Variants in TULP4 observed in about 807,000 individuals in gnomAD.
TULP4 encodes TUB like protein 4, also known as tubby-related protein 4.
In TULP4, 16 loss-of-function variants were observed where a neutral mutation model predicts 129.0. That is an observed-to-expected ratio of 0.12 (90% CI 0.08 to 0.19). TULP4 has a LOEUF of 0.19. Ranked by LOEUF, TULP4 falls within the 10% of genes least tolerant of loss-of-function variation. The pLI is 1.00. For missense variants in TULP4, 1,842 were observed against 2,059.1 expected (o/e 0.89, Z 2.04); for synonymous variants, 998 against 854.0 (o/e 1.17, Z -2.94).
Position 158,508,164 on chromosome 6 carries a change from T to C in TULP4, c.*1470T>C, listed in dbSNP as rs903953061. On this transcript the variant is annotated 3_prime_UTR_variant, in exon 14 of 14. Coordinates refer to ENST00000367097, the MANE Select transcript of TULP4 (RefSeq NM_020245.5). ...TTTTTGTTGTTGTTTTTTGTTGTTG[T>C]TTTTTGTTTTTGTTTTTGTTTTTCT... is the stretch of plus-strand genomic sequence containing the variant. 2 of 152,098 alleles carry C rather than the reference T, an allele frequency of 1.3e-5. No individual in the cohort carries two copies. Among genetic ancestry groups the C allele is most frequent in the African/African-American group, 2.4e-5 (1 of 41,350 alleles). 9.4% of individuals were successfully genotyped at this position (152,098 alleles called of 1,614,324 possible).
In TULP4 at chr6:158,502,199, AC is replaced by A; in HGVS notation, c.2538del (p.Thr847GlnfsTer19). ...CCCAGGAACCATCCCCGCTGCCCCC[AC>A]CACAGCAGCACCCCCGCCCCCTCTG... ...PYPGTIPAAP[T>X]TAAPPPPLPP... On this transcript the variant is annotated frameshift_variant, in exon 13 of 14. Coordinates refer to ENST00000367097, the MANE Select transcript of TULP4 (RefSeq NM_020245.5). LOFTEE classifies it high-confidence loss of function. 1 of 434,076 alleles carries A rather than the reference AC, an allele frequency of 2.3e-6. No individual in the cohort carries two copies. The highest frequency in any genetic ancestry group is 3.0e-6 in the Non-Finnish European group (1 of 336,832). The allele number at this position is 434,076 out of a possible 1,614,324, so 26.9% of individuals were successfully genotyped here.
Position 158,501,847 on chromosome 6 carries a change from G to A in TULP4, c.2184G>A (p.Thr728=), listed in dbSNP as rs1457999761. 9.9e-6 allele frequency: 16 copies of A among 1,613,952 alleles called. No individual in the cohort carries two copies. Among genetic ancestry groups the A allele is most frequent in the African/African-American group, 2.7e-5 (2 of 74,878 alleles). Residue 728 remains threonine (T), a synonymous_variant, in exon 13 of 14, where the codon ACG becomes ACA. Transcript: ENST00000367097. ...NVQLDVLTNQ[T]TAVGTAEHAG... ...AGCTAGATGTCCTGACCAACCAGAC[G>A]ACAGCTGTAGGGACAGCAGAACATG... is the stretch of plus-strand genomic sequence containing the variant.
rs932261674 is a variant in TULP4 at position 158,431,166 on chromosome 6, T to C, written c.543+1269T>C. ...CCTTTATTATAAAGCTGCATTTTTA[T>C]GGGTTTTTACTACCCCCGAGTCTCA... On this transcript the variant is annotated intron_variant, in intron 3 of 13. Transcript: ENST00000367097. Among the ~76,000 whole-genome samples, 4 of 152,192 alleles carry C rather than the reference T, an allele frequency of 2.6e-5. No homozygotes were observed. The East Asian group carries it at 7.7e-4, about 29-fold the overall frequency.
At chr6:158,354,101 G>A (rs1780587032) in intron 1 of TULP4, among the ~76,000 whole-genome samples, 1 of 152,206 alleles carries the variant, frequency 6.6e-6, no homozygotes, top group Non-Finnish European at 1.5e-5. Context: ...CCTGAGGAGT[G>A]CCTTTGGAAG....
At position 158,413,746 on chromosome 6, in the gene TULP4, G is replaced by A. The variant is rs1399520596; in HGVS notation, c.381+553G>A. Among the ~76,000 whole-genome samples, 5 of 152,204 alleles carry A rather than the reference G, an allele frequency of 3.3e-5. No homozygotes were observed. Among genetic ancestry groups the A allele is most frequent in the South Asian group, 2.1e-4 (1 of 4,822 alleles). On this transcript the variant is annotated intron_variant, in intron 2 of 13. Transcript: ENST00000367097. This position sits in a 1 kb window ranked among gnomAD's most constrained non-coding sequence, Gnocchi z 4.9. ...CACCCAGGACAGCCTGCTGAGCTGC[G>A]CTGTTTCTAGAACTGCTCCATAGAT...
chr6:158,280,730 A>T (rs1778734179), upstream of TULP4, among the ~76,000 whole-genome samples: 1 of 152,234 alleles, frequency 6.6e-6, no homozygotes, highest in African/African-American at 2.4e-5. Context: ...TCACATTCTA[A>T]TGGTCTTTGA....
At chr6:158,499,733 T>C (rs1176094465) in intron 12 of TULP4, among the ~76,000 whole-genome samples, 4 of 152,178 alleles carry the variant, frequency 2.6e-5, no homozygotes, top group African/African-American at 9.7e-5. Context: ...GAGGGACTGG[T>C]TCTTGCAGTG....
chr6:158,506,850 G>T lies in TULP4; in HGVS notation c.*156G>T. On this transcript the variant is annotated 3_prime_UTR_variant, in exon 14 of 14. Transcript: ENST00000367097. ...CAGGCCCAGGAGAGGGCGCTGACCT[G>T]TGGTCGTCATTTATTTGGTTGGGTT... 1.7e-6 allele frequency: 1 copy of T among 604,898 alleles called. No individual in the cohort carries two copies. Among genetic ancestry groups the T allele is most frequent in the South Asian group, 2.0e-5 (1 of 50,762 alleles). The allele number at this position is 604,898 out of a possible 1,614,324, so 37.5% of individuals were successfully genotyped here.
intron 1 of TULP4, among the ~76,000 whole-genome samples, chr6:158,319,635 G>C (rs913440382): frequency 6.6e-6 from 1 of 152,154 alleles, no homozygotes; most frequent in Non-Finnish European, 1.5e-5. Context: ...TTCACCCTCA[G>C]CTAGTATGTA....
chr6:158,471,665 T>C (rs748464987), intron 6 of TULP4, among the ~76,000 whole-genome samples: 1 of 152,180 alleles, frequency 6.6e-6, no homozygotes, highest in Non-Finnish European at 1.5e-5. Context: ...GGCCAGGGCA[T>C]TGGCAAAACA....
At chr6:158,324,580 T>C (rs1470719775) in intron 1 of TULP4, among the ~76,000 whole-genome samples, 1 of 152,242 alleles carries the variant, frequency 6.6e-6, no homozygotes, top group African/African-American at 2.4e-5. Flanking sequence ...ATGGATCGTC[T>C]ATCGTGTGTC....
At chr6:158,506,318 A>C (rs1331294367) in intron 13 of TULP4, among the ~76,000 whole-genome samples, 6 of 122,390 alleles carry the variant, frequency 4.9e-5, no homozygotes, top group African/African-American at 6.4e-5. Context: ...TGCAAGCTCC[A>C]CCTCCCAGGT....
intron 1 of TULP4, among the ~76,000 whole-genome samples, chr6:158,357,507 A>C (rs532658148): frequency 1.3e-4 from 20 of 152,248 alleles, no homozygotes; most frequent in Non-Finnish European, 1.9e-4. Context: ...AAAAATGACT[A>C]TAGTAAGCCA....
chr6:158,285,935 A>G (rs1449919147), intron 1 of TULP4, among the ~76,000 whole-genome samples: 1 of 152,160 alleles, frequency 6.6e-6, no homozygotes. Context: ...TCAGCTCTCC[A>G]TTTGAGTCCT....
chr6:158,328,531 A>G (rs1185313851), intron 1 of TULP4, among the ~76,000 whole-genome samples: 1 of 152,162 alleles, frequency 6.6e-6, no homozygotes, highest in Non-Finnish European at 1.5e-5. Context: ...TCAGTGCCTG[A>G]TGTTGGTGGA....
chr6:158,234,678 T>G (rs555914306), intron 1 of TULP4, among the ~76,000 whole-genome samples: 2 of 152,370 alleles, frequency 1.3e-5, no homozygotes, highest in African/African-American at 4.8e-5. Context: ...GGTTTCTGTT[T>G]AGCATTCTGT....
In TULP4 at chr6:158,481,305, G is replaced by A. The variant is rs371734335; in HGVS notation, c.1486+16G>A. On this transcript the variant is annotated intron_variant, in intron 8 of 13. Coordinates refer to ENST00000367097, the MANE Select transcript of TULP4 (RefSeq NM_020245.5). ...AGCAAACCAGGTGGGCCCCTCACCC[G>A]AGGGACTGGGACCTTGTTCTCCTGT... 41 of 1,603,206 alleles carry A rather than the reference G, an allele frequency of 2.6e-5. No individual in the cohort carries two copies. Among genetic ancestry groups the A allele is most frequent in the Middle Eastern group, 1.7e-4 (1 of 6,048 alleles).
chr6:158,235,442 C>T (rs1777673223), intron 1 of TULP4, among the ~76,000 whole-genome samples: 1 of 152,200 alleles, frequency 6.6e-6, no homozygotes, highest in Non-Finnish European at 1.5e-5. Context: ...TCATGACTGG[C>T]TTATTTCACT....
Position 158,502,678 on chromosome 6 carries a change from G to C in TULP4, c.3015G>C (p.Pro1005=). The C allele has an allele frequency of 6.4e-7, 1 of 1,558,912 alleles. No individual in the cohort carries two copies. The highest frequency in any genetic ancestry group is 8.6e-7 in the Non-Finnish European group (1 of 1,157,474). The change falls in exon 13 of 14, where the codon CCG becomes CCC. Residue 1005 remains proline, a synonymous_variant. Transcript: ENST00000367097. ...AGATGGCCCAGCTGGCCGACAGCCC[G>C]CGGGCCCCCCTGCAGCCCCTGGCCA... ...TLKMAQLADS[P]RAPLQPLAKS...
Sources: allele counts gnomAD v4.1 joint callset (sites outside exome capture counted in the v4.1 genomes callset), GRCh38; gene constraint gnomAD v4.1.1; non-coding constraint Gnocchi (gnomAD v3.1); transcripts MANE v1.5; gene names NCBI Gene and HGNC (gene_info 2026-07-23, HGNC 2026-07-21).